PPIH: variants seen among roughly 807,000 people sequenced by gnomAD.
The protein encoded by PPIH is peptidylprolyl isomerase H, also known as peptidyl-prolyl cis-trans isomerase H.
PPIH carries 16 observed loss-of-function variants against 27.6 expected under a neutral mutation model. The ratio of observed to expected loss-of-function variants is 0.58; its 90% CI spans 0.39 to 0.88. PPIH has a LOEUF of 0.88. PPIH is among the 40% of genes least tolerant of loss of function. The probability of loss-of-function intolerance (pLI) is 0.00; values close to 1 mark genes in which losing one functional copy is unlikely to be tolerated. For missense variants in PPIH, 155 were observed against 224.1 expected (o/e 0.69, Z 1.97); for synonymous variants, 63 against 76.1 (o/e 0.83, Z 0.90).
Position 42,667,918 on chromosome 1 carries a change from G to T in PPIH, c.*21+478G>T, listed in dbSNP as rs1649431220. 2.0e-5 allele frequency among the ~76,000 whole-genome samples: 3 copies of T among 152,222 alleles called. No homozygotes were observed. The South Asian group carries it at 6.2e-4, about 31-fold the overall frequency. On this transcript the variant is annotated intron_variant, in intron 9 of 9. Coordinates refer to ENST00000304979, the MANE Select transcript of PPIH (RefSeq NM_006347.4). ...GACTTCATATTCGCTGGCCTCATAG[G>T]TGAATGCCTTGCATCTTCCAGCCTA...
chr1:42,671,923 GC>G (rs1380784933), intron 9 of PPIH, among the ~76,000 whole-genome samples: 5 of 146,596 alleles, frequency 3.4e-5, no homozygotes, highest in African/African-American at 1.0e-4. Context: ...TTGCTCTGTC[GC>G]CCAGGCTAGA....
At position 42,665,853 on chromosome 1, in the gene PPIH, T is replaced by G. The variant is rs1649301833; in HGVS notation, c.337-127T>G. On this transcript the variant is annotated intron_variant, in intron 6 of 9. Transcript: ENST00000304979. ...TCCTAGCTTAGGCCCTGGCTCATAA[T>G]AGGTGCTAAGTTAGATTTACTGAAA... 6 of 747,756 alleles carry G rather than the reference T, an allele frequency of 8.0e-6. No individual in the cohort carries two copies. In the Admixed American group the frequency reaches 8.1e-5, roughly 10 times the overall value. The allele number at this position is 747,756 out of a possible 1,614,324, so 46.3% of individuals were successfully genotyped here. A position where few individuals can be genotyped will look rare whatever the true frequency, so the allele number is the denominator to read the frequency against.
At chr1:42,661,036 G>T in intron 5 of PPIH, 132 bp downstream of exon 5, 1 of 785,006 alleles carries the variant, frequency 1.3e-6, no homozygotes, top group Non-Finnish European at 2.1e-6. Context: ...GTGGGTGTTG[G>T]AGAGAATGGT....
intron 9 of PPIH, among the ~76,000 whole-genome samples, chr1:42,669,994 C>T (rs1206999513): frequency 6.6e-6 from 1 of 152,188 alleles, no homozygotes; most frequent in Non-Finnish European, 1.5e-5. Flanking sequence ...CTACAACACA[C>T]CTTTATCTGT....
downstream of PPIH, among the ~76,000 whole-genome samples, chr1:42,677,513 T>C (rs1180878732): frequency 6.6e-6 from 1 of 151,932 alleles, no homozygotes; most frequent in East Asian, 1.9e-4. Context: ...GTTCAACATA[T>C]AAAGATCTCA....
At chr1:42,677,634 G>C (rs1464615945), downstream of PPIH, among the ~76,000 whole-genome samples, 1 of 152,184 alleles carries the variant, frequency 6.6e-6, no homozygotes, top group Non-Finnish European at 1.5e-5. Flanking sequence ...AACATACCAA[G>C]ACCTTGTCTG....
intron 7 of PPIH, among the ~76,000 whole-genome samples, 180 bp downstream of exon 7, chr1:42,666,247 G>A (rs1244223581): frequency 6.6e-6 from 1 of 152,138 alleles, no homozygotes; most frequent in Admixed American, 6.5e-5. Flanking sequence ...CTAGAGGGAA[G>A]GACAAAAGGA....
chr1:42,667,277 G>A, intron 8 of PPIH, 74 bp from the exon 9 acceptor site: 1 of 1,342,676 alleles, frequency 7.4e-7, no homozygotes, highest in Non-Finnish European at 1.1e-6. Context: ...GGGCTGGCAG[G>A]CATCAGTAAA....
chr1:42,666,720 G>GA lies in PPIH; in HGVS notation c.465+134dup, dbSNP rs1412111085. On this transcript the variant is annotated intron_variant, in intron 8 of 9. Coordinates refer to ENST00000304979, the MANE Select transcript of PPIH (RefSeq NM_006347.4). Reference sequence around the variant, plus strand: ...TCTTCATTGCCCCAGGAAAAGGGAAGAGAACCACCTAAGTTAGCCTGTCTG... The same window carrying GA: ...TCTTCATTGCCCCAGGAAAAGGGAAGAAGAACCACCTAAGTTAGCCTGTCTG... The GA allele has an allele frequency of 2.0e-5, 18 of 886,106 alleles. No homozygotes were observed. The African/African-American group carries it at 2.9e-4, about 14-fold the overall frequency. 54.9% of individuals were successfully genotyped at this position (886,106 alleles called of 1,614,324 possible).
chr1:42,679,314 C>T (rs542707582), downstream of PPIH, among the ~76,000 whole-genome samples: 4 of 152,304 alleles, frequency 2.6e-5, no homozygotes, highest in African/African-American at 9.6e-5. Flanking sequence ...CTCAAACTCC[C>T]GAGTAGCTGG....
chr1:42,680,943 G>A (rs908911657), downstream of PPIH, among the ~76,000 whole-genome samples: 3 of 152,134 alleles, frequency 2.0e-5, no homozygotes, highest in East Asian at 3.9e-4. Context: ...AGTAGTGACA[G>A]TAGGAATGAA....
At chr1:42,665,495 G>A (rs903221116) in intron 6 of PPIH, among the ~76,000 whole-genome samples, 1 of 152,140 alleles carries the variant, frequency 6.6e-6, no homozygotes, top group Non-Finnish European at 1.5e-5. Flanking sequence ...ACCAGGATTT[G>A]TGTCTGGGCA....
chr1:42,664,821 C>A, intron 5 of PPIH, 42 bp from the exon 6 acceptor site: 1 of 1,510,952 alleles, frequency 6.6e-7, no homozygotes, highest in Non-Finnish European at 9.1e-7. Context: ...TTCCAGGGAC[C>A]CAACACTCCA....
chr1:42,660,503 C>G (rs905664712), intron 4 of PPIH, among the ~76,000 whole-genome samples: 7 of 152,176 alleles, frequency 4.6e-5, no homozygotes, highest in African/African-American at 1.7e-4. Flanking sequence ...GATCTTGGCT[C>G]ACTGCAACCT....
At chr1:42,680,771 G>A (rs1649997072), downstream of PPIH, among the ~76,000 whole-genome samples, 1 of 152,196 alleles carries the variant, frequency 6.6e-6, no homozygotes, top group African/African-American at 2.4e-5. Context: ...TTGAAAATAT[G>A]TAAAGATTCG....
chr1:42,679,438 C>A (rs1427537634), downstream of PPIH, among the ~76,000 whole-genome samples: 1 of 152,204 alleles, frequency 6.6e-6, no homozygotes, highest in African/African-American at 2.4e-5. Context: ...GATCCGCCTG[C>A]CTCGGCCTCC....
intron 5 of PPIH, among the ~76,000 whole-genome samples, chr1:42,662,526 C>T (rs1649095330): frequency 6.6e-6 from 1 of 151,590 alleles, no homozygotes. Flanking sequence ...TGCACTCCAG[C>T]CTGGGCGACA....
At chr1:42,677,636 C>T (rs191697970), downstream of PPIH, among the ~76,000 whole-genome samples, 3 of 152,294 alleles carry the variant, frequency 2.0e-5, no homozygotes, top group Admixed American at 6.5e-5. Flanking sequence ...CATACCAAGA[C>T]CTTGTCTGTA....
downstream of PPIH, chr1:42,676,808 G>A (rs1263115337): frequency 2.0e-5 from 3 of 151,558 alleles, no homozygotes; most frequent in African/African-American, 7.3e-5. Flanking sequence ...TTTTTAAATA[G>A]TTGTAATAGC....
Sources: allele counts gnomAD v4.1 joint callset (sites outside exome capture counted in the v4.1 genomes callset), GRCh38; gene constraint gnomAD v4.1.1; transcripts MANE v1.5; gene names NCBI Gene and HGNC (gene_info 2026-07-23, HGNC 2026-07-21).